Variants in TJP3 observed in about 807,000 individuals in gnomAD.
TJP3 encodes the protein tight junction protein ZO-3.
In TJP3, 85 loss-of-function variants were observed where a neutral mutation model predicts 104.2. That is an observed-to-expected ratio of 0.82 (90% confidence interval 0.68 to 0.98). TJP3 has a LOEUF of 0.98. Ranked by LOEUF, TJP3 falls within the 50% of genes least tolerant of loss-of-function variation. The probability of loss-of-function intolerance (pLI) is 0.00; values close to 1 mark genes in which losing one functional copy is unlikely to be tolerated. For synonymous variants in TJP3, 550 were observed against 550.6 expected (o/e 1.00, Z 0.02); for missense variants, 1,367 against 1,322.8 (o/e 1.03, Z -0.52).
intron 1 of TJP3, among the ~76,000 whole-genome samples, chr19:3,717,651 C>T (rs2036493824): frequency 6.6e-6 from 1 of 151,774 alleles, no homozygotes; most frequent in African/African-American, 2.4e-5. Context: ...GCCAGGCTGG[C>T]CTCCAACTCC....
intron 15 of TJP3, among the ~76,000 whole-genome samples, chr19:3,744,790 T>C (rs568457761): frequency 6.6e-6 from 1 of 150,616 alleles, no homozygotes; most frequent in African/African-American, 2.4e-5. Context: ...TAGCTGGACA[T>C]GGTGGCGCAT....
rs1182660965 is a variant in TJP3, at chr19:3,726,585, TTTTTTTTG to T, written c.-9-1831_-9-1824del. Among the ~76,000 whole-genome samples, 3 of 146,370 alleles carry T rather than the reference TTTTTTTTG, an allele frequency of 2.0e-5. No individual in the cohort carries two copies. The East Asian group carries it at 6.2e-4, about 30-fold the overall frequency. ...TTGCACTCCAGCCTCAGCAACAGAGTTTTTTTTGTTTTTTTTTTTTCTAAGTGGGAAAG... is the reference window on the plus strand; with the variant it reads ...TTGCACTCCAGCCTCAGCAACAGAGTTTTTTTTTTTTTCTAAGTGGGAAAG... On this transcript the variant is annotated intron_variant, in intron 1 of 20. Transcript: ENST00000541714.
intron 14 of TJP3, chr19:3,743,684 G>A: frequency 2.5e-6 from 1 of 403,410 alleles, no homozygotes; most frequent in Non-Finnish European, 4.5e-6. Flanking sequence ...GGCAGGAGAG[G>A]GGCTTATTCC....
chr19:3,733,092 G>A (rs1317385256), intron 6 of TJP3, among the ~76,000 whole-genome samples: 1 of 151,778 alleles, frequency 6.6e-6, no homozygotes, highest in Non-Finnish European at 1.5e-5. Context: ...CTGGAGTGCA[G>A]TGGCGGGATC....
intron 12 of TJP3, 89 bp downstream of exon 12, chr19:3,738,752 A>C (rs1256774388): frequency 1.2e-5 from 16 of 1,352,914 alleles, no homozygotes; most frequent in Middle Eastern, 2.4e-4. Flanking sequence ...GATGTGGTTG[A>C]ATCTGCATCT....
At position 3,730,456 on chromosome 19, in the gene TJP3, G is replaced by A. The variant is rs1206347201; in HGVS notation, c.363G>A (p.Val121=). 1.9e-6 allele frequency: 3 copies of A among 1,586,600 alleles called. No individual in the cohort carries two copies. Among genetic ancestry groups the A allele is most frequent in the Middle Eastern group, 1.9e-4 (1 of 5,268 alleles). Residue 121 remains valine, a synonymous_variant, in exon 5 of 21, where the codon GTG becomes GTA. Transcript: ENST00000541714. This position sits in a 1 kb window ranked among gnomAD's most constrained non-coding sequence, Gnocchi z 7.3. Reference sequence around the variant, plus strand: ...ATGAAGACGATGGGCCCCAGCGGGTGGAGGAGGTGGACCAGGGCCGGGGCT... The same window carrying A: ...ATGAAGACGATGGGCCCCAGCGGGTAGAGGAGGTGGACCAGGGCCGGGGCT... ...DSDEDDGPQR[V]EEVDQGRGYD...
At chr19:3,728,947 G>T (rs1273258326) in intron 3 of TJP3, among the ~76,000 whole-genome samples, 3 of 152,166 alleles carry the variant, frequency 2.0e-5, no homozygotes, top group Non-Finnish European at 4.4e-5. Context: ...CAGCTACTCG[G>T]GAGGCTGAGG....
intron 1 of TJP3, among the ~76,000 whole-genome samples, chr19:3,711,410 G>T (rs1477755792): frequency 6.8e-6 from 1 of 148,072 alleles, no homozygotes; most frequent in Non-Finnish European, 1.5e-5. Context: ...TATTGGTCAG[G>T]CTGGTCTCGA....
chr19:3,729,312 C>A (rs980193447), intron 3 of TJP3, among the ~76,000 whole-genome samples: 1 of 152,116 alleles, frequency 6.6e-6, no homozygotes, highest in South Asian at 2.1e-4. Context: ...GGTTCTGGGC[C>A]CCAAGTGGCT....
intron 11 of TJP3, among the ~76,000 whole-genome samples, chr19:3,738,348 C>T (rs2036764942): frequency 1.3e-5 from 2 of 152,302 alleles, no homozygotes; most frequent in South Asian, 4.1e-4. Context: ...CTCTTGTATC[C>T]TTACAATGCC....
chr19:3,737,172 G>A (rs1325434751), intron 11 of TJP3, among the ~76,000 whole-genome samples: 1 of 152,058 alleles, frequency 6.6e-6, no homozygotes, highest in Non-Finnish European at 1.5e-5. Context: ...GAGACACTGT[G>A]CTCAAGATTG....
At chr19:3,750,101 G>A in intron 19 of TJP3, 37 bp from the exon 20 acceptor site, 1 of 1,613,884 alleles carries the variant, frequency 6.2e-7, no homozygotes, top group Non-Finnish European at 8.5e-7. Context: ...CATGCTCTGG[G>A]GGGAGTTTTG....
chr19:3,718,820 C>T (rs1372622976), intron 1 of TJP3, among the ~76,000 whole-genome samples: 2 of 152,094 alleles, frequency 1.3e-5, no homozygotes, highest in Non-Finnish European at 2.9e-5. Context: ...CGAACCTTGA[C>T]GTGTGCGGGC....
chr19:3,737,835 C>T (rs542916157), intron 11 of TJP3, among the ~76,000 whole-genome samples: 4 of 152,278 alleles, frequency 2.6e-5, no homozygotes, highest in East Asian at 1.9e-4. Context: ...GTCATGACCC[C>T]GAGAGTAGGT....
chr19:3,723,083 GTT>G (rs2036560357), intron 1 of TJP3, among the ~76,000 whole-genome samples: 1 of 152,216 alleles, frequency 6.6e-6, no homozygotes, highest in African/African-American at 2.4e-5. Flanking sequence ...GCCACAGTGT[GTT>G]TTACTCAACC....
At chr19:3,719,289 A>T (rs2036520862) in intron 1 of TJP3, among the ~76,000 whole-genome samples, 1 of 152,056 alleles carries the variant, frequency 6.6e-6, no homozygotes, top group South Asian at 2.1e-4. Context: ...CTGTAGGTAT[A>T]CAGTAGGTGT....
intron 1 of TJP3, among the ~76,000 whole-genome samples, chr19:3,723,808 A>ATATATATAT (rs1555737859): frequency 2.3e-5 from 3 of 128,938 alleles, no homozygotes; most frequent in South Asian, 5.0e-4. Flanking sequence ...AAAAAAAAAA[A>ATATATATAT]ATATATATAT....
At chr19:3,720,899 T>TC (rs1343587240) in intron 1 of TJP3, among the ~76,000 whole-genome samples, 2 of 119,892 alleles carry the variant, frequency 1.7e-5, no homozygotes, top group Non-Finnish European at 3.5e-5. Flanking sequence ...TTCCTTCCTT[T>TC]TCTTTTTTTT....
At chr19:3,720,114 T>A (rs2036528431) in intron 1 of TJP3, among the ~76,000 whole-genome samples, 1 of 152,160 alleles carries the variant, frequency 6.6e-6, no homozygotes, top group South Asian at 2.1e-4. Flanking sequence ...ATTACAGATG[T>A]GGAAACTGAG....
Sources: gnomAD v4.1 joint callset for allele counts (sites outside exome capture counted in the v4.1 genomes callset) on GRCh38, gnomAD v4.1.1 for gene constraint, Gnocchi (gnomAD v3.1) non-coding constraint, MANE v1.5 for transcripts, NCBI Gene and HGNC (gene_info 2026-07-23, HGNC 2026-07-21) for gene names.